The following SERGEF variants were observed in gnomAD, a reference collection of about 807,000 sequenced individuals.
SERGEF encodes the protein secretion-regulating guanine nucleotide exchange factor.
SERGEF carries 51 observed loss-of-function variants against 50.0 expected under a neutral mutation model. The ratio of observed to expected loss-of-function variants is 1.02; its 90% confidence interval spans 0.81 to 1.29. The LOEUF is 1.29. Among genes scored for constraint, SERGEF ranks in the 50% most tolerant of loss-of-function variants. The pLI, the probability that SERGEF is intolerant of heterozygous loss-of-function variation, is 0.00. For missense variants in SERGEF, 521 were observed against 557.0 expected (o/e 0.94, Z 0.65); for synonymous variants, 205 against 212.4 (o/e 0.97, Z 0.30).
At chr11:17,847,126 T>C (rs1015445) in intron 10 of SERGEF, among the ~76,000 whole-genome samples, 50,484 of 152,166 alleles carry the variant, frequency 0.33, 9,481 homozygotes, top group East Asian at 0.45. Context: ...ACTTTCTTAC[T>C]AAAAATAGCT....
chr11:17,946,514 T>G (rs1410280630), intron 9 of SERGEF, among the ~76,000 whole-genome samples: 1 of 152,150 alleles, frequency 6.6e-6, no homozygotes, highest in Non-Finnish European at 1.5e-5. Context: ...ACCAGATAGA[T>G]CATCATCATG....
intron 10 of SERGEF, among the ~76,000 whole-genome samples, chr11:17,840,072 T>C (rs1451127682): frequency 6.6e-6 from 1 of 152,216 alleles, no homozygotes; most frequent in Non-Finnish European, 1.5e-5. Context: ...CCACCTGACA[T>C]GTGGTCACCT....
At chr11:17,894,005 C>A (rs144651316) in intron 9 of SERGEF, among the ~76,000 whole-genome samples, 8 of 152,194 alleles carry the variant, frequency 5.3e-5, no homozygotes, top group Non-Finnish European at 1.2e-4. Context: ...ACCTCTCCCC[C>A]ACTCTGTCAA....
chr11:17,995,022 A>G (rs768111963), intron 6 of SERGEF, among the ~76,000 whole-genome samples: 1 of 152,134 alleles, frequency 6.6e-6, no homozygotes. Context: ...GAAAGCAGAA[A>G]AGGGAGAAGA....
At position 17,884,500 on chromosome 11, in the gene SERGEF, A is replaced by G. The variant is rs1851394225; in HGVS notation, c.1012-6256T>C. ...GGGTGACAACCAGAATTTCCAAACT[A>G]TTAGAAACGCAGTGCTTGGAAGCTG... On this transcript the variant is annotated intron_variant, in intron 9 of 10. Transcript: ENST00000265965. This position sits in a 1 kb window ranked among gnomAD's most constrained non-coding sequence, Gnocchi z 4.6. Among the ~76,000 whole-genome samples, 1 of 152,018 alleles carries G rather than the reference A, an allele frequency of 6.6e-6. No individual in the cohort carries two copies. Among genetic ancestry groups the G allele is most frequent in the Non-Finnish European group, 1.5e-5 (1 of 67,986 alleles).
intron 10 of SERGEF, among the ~76,000 whole-genome samples, chr11:17,802,087 G>A (rs960511745): frequency 6.6e-6 from 1 of 152,162 alleles, no homozygotes; most frequent in Non-Finnish European, 1.5e-5. Flanking sequence ...ACCCTGCTGA[G>A]CTGCCAGGAC....
intron 10 of SERGEF, among the ~76,000 whole-genome samples, chr11:17,826,232 A>C (rs1010097113): frequency 6.6e-6 from 1 of 152,224 alleles, no homozygotes; most frequent in Non-Finnish European, 1.5e-5. Context: ...TTTCTCCCCA[A>C]AGCTATGCCA....
intron 10 of SERGEF, among the ~76,000 whole-genome samples, chr11:17,858,173 TG>T (rs1366198635): frequency 6.6e-6 from 1 of 152,176 alleles, no homozygotes; most frequent in Non-Finnish European, 1.5e-5. Flanking sequence ...AGTATATTTA[TG>T]GGGGGTAGTT....
At chr11:17,955,997 T>G (rs993337854) in intron 9 of SERGEF, among the ~76,000 whole-genome samples, 1 of 152,204 alleles carries the variant, frequency 6.6e-6, no homozygotes, top group Non-Finnish European at 1.5e-5. Flanking sequence ...CATCCTGCCC[T>G]GACATGCGCT....
intron 1 of SERGEF, among the ~76,000 whole-genome samples, chr11:18,012,005 G>A (rs1365083351): frequency 1.3e-5 from 2 of 152,116 alleles, no homozygotes; most frequent in Non-Finnish European, 1.5e-5. Flanking sequence ...CCCAACACAA[G>A]AGCTGGAAGT....
intron 2 of SERGEF, among the ~76,000 whole-genome samples, chr11:18,007,133 G>A (rs888694023): frequency 1.3e-5 from 2 of 152,188 alleles, no homozygotes; most frequent in Non-Finnish European, 2.9e-5. Context: ...CCACAGAGTG[G>A]CTTAATTTTT....
chr11:17,837,373 T>C (rs1397141568), intron 10 of SERGEF, among the ~76,000 whole-genome samples: 1 of 151,756 alleles, frequency 6.6e-6, no homozygotes, highest in Non-Finnish European at 1.5e-5. Flanking sequence ...GCCTGAAGTG[T>C]GATGTTTGGG....
At chr11:17,853,392 G>T (rs1850748718) in intron 10 of SERGEF, among the ~76,000 whole-genome samples, 1 of 152,150 alleles carries the variant, frequency 6.6e-6, no homozygotes, top group Non-Finnish European at 1.5e-5. Flanking sequence ...ACCCCCATCT[G>T]TTATCTGTAG....
intron 9 of SERGEF, among the ~76,000 whole-genome samples, chr11:17,901,247 C>T (rs1449134245): frequency 6.6e-6 from 1 of 152,194 alleles, no homozygotes; most frequent in Non-Finnish European, 1.5e-5. Context: ...GCCCTCAAAA[C>T]ACCTGTACTG....
intron 9 of SERGEF, among the ~76,000 whole-genome samples, chr11:17,948,565 C>T: frequency 6.6e-6 from 1 of 152,232 alleles, no homozygotes. Flanking sequence ...TACTGAATCA[C>T]CTTTTTGAAG....
chr11:17,963,297 T>G (rs1439612011), intron 8 of SERGEF, among the ~76,000 whole-genome samples: 1 of 122,198 alleles, frequency 8.2e-6, no homozygotes. Context: ...CACAGAGAAG[T>G]GCCATGGCTG....
At chr11:17,907,858 A>G (rs1851879060) in intron 9 of SERGEF, among the ~76,000 whole-genome samples, 1 of 152,212 alleles carries the variant, frequency 6.6e-6, no homozygotes, top group Non-Finnish European at 1.5e-5. Flanking sequence ...GACAGCAAAA[A>G]GGAACTGCTT....
At chr11:17,834,693 C>G (rs1486765307) in intron 10 of SERGEF, among the ~76,000 whole-genome samples, 1 of 152,130 alleles carries the variant, frequency 6.6e-6, no homozygotes, top group Non-Finnish European at 1.5e-5. Context: ...TTTTTGCTTC[C>G]TCAATACTTT....
At chr11:17,990,852 C>T (rs531507720) in intron 7 of SERGEF, among the ~76,000 whole-genome samples, 3 of 150,972 alleles carry the variant, frequency 2.0e-5, no homozygotes, top group Non-Finnish European at 4.4e-5. Context: ...CTGCAACCTC[C>T]GTCACCCGGG....
Sources: allele counts gnomAD v4.1 joint callset (sites outside exome capture counted in the v4.1 genomes callset), GRCh38; gene constraint gnomAD v4.1.1; non-coding constraint Gnocchi (gnomAD v3.1); transcripts MANE v1.5; gene names NCBI Gene and HGNC (gene_info 2026-07-23, HGNC 2026-07-21).